The following SEC11A variants were observed in gnomAD, a reference collection of about 807,000 sequenced individuals.
SEC11A encodes the protein SEC11 homolog A, signal peptidase complex subunit.
Under a neutral mutation model 25.6 loss-of-function variants are expected in SEC11A, and 14 were observed. The ratio of observed to expected loss-of-function variants is 0.55; its 90% CI spans 0.36 to 0.85. The LOEUF is 0.85. Ranked by LOEUF, SEC11A falls within the 40% of genes least tolerant of loss-of-function variation. SEC11A has a pLI of 0.01. For missense variants in SEC11A, 153 were observed against 222.9 expected (o/e 0.69, Z 2.00); for synonymous variants, 83 against 76.4 (o/e 1.09, Z -0.45).
chr15:84,679,102 AG>A (rs1897217973), intron 4 of SEC11A: 1 of 286,156 alleles, frequency 3.5e-6, no homozygotes, highest in Non-Finnish European at 7.0e-6. Context: ...ATCAAGAAAA[AG>A]GAGACAAGAA....
At chr15:84,710,224 T>C (rs1755914593) in intron 1 of SEC11A, among the ~76,000 whole-genome samples, 1 of 152,222 alleles carries the variant, frequency 6.6e-6, no homozygotes, top group African/African-American at 2.4e-5. Flanking sequence ...ATAAAAATTA[T>C]ATAAGTAGTC....
At chr15:84,686,140 T>C (rs1458502248) in intron 3 of SEC11A, among the ~76,000 whole-genome samples, 1 of 152,136 alleles carries the variant, frequency 6.6e-6, no homozygotes, top group Non-Finnish European at 1.5e-5. Context: ...TCCTTCCCAG[T>C]CAATAATATA....
At chr15:84,692,316 G>T (rs1026757779) in intron 1 of SEC11A, among the ~76,000 whole-genome samples, 2 of 152,138 alleles carry the variant, frequency 1.3e-5, no homozygotes, top group African/African-American at 2.4e-5. Context: ...ACAGGCGTGA[G>T]TCACCACACC....
At chr15:84,711,298 C>T (rs1401902469) in intron 1 of SEC11A, among the ~76,000 whole-genome samples, 2 of 151,922 alleles carry the variant, frequency 1.3e-5, no homozygotes, top group Non-Finnish European at 2.9e-5. Flanking sequence ...GGGAGAATCA[C>T]TTGATCCCGG....
rs900851308 is a variant in SEC11A at position 84,687,718 on chromosome 15, A to C, written c.218T>G (p.Val73Gly). Reference sequence around the variant, plus strand: ...TTCTCCCACTCGTATGGGATCTTCAACTCGATTTGTTAGAAAGAGAAGATC... The same window carrying C: ...TTCTCCCACTCGTATGGGATCTTCACCTCGATTTGTTAGAAAGAGAAGATC... ...RGDLLFLTNR[V>G]EDPIRVGEIV... Residue 73 changes from valine to glycine, a missense_variant, in exon 3 of 6, where the codon GTT becomes GGT. Physicochemically the swap from Val to Gly is moderately radical, Grantham distance 109. Transcript: ENST00000268220. 44 of 1,603,082 alleles carry C rather than the reference A, an allele frequency of 2.7e-5. No individual in the cohort carries two copies. Among genetic ancestry groups the C allele is most frequent in the Middle Eastern group, 1.7e-4 (1 of 6,050 alleles).
rs140172377 is a variant in SEC11A at position 84,688,430 on chromosome 15, A to G, written c.162-656T>C. 5.8e-3 allele frequency among the ~76,000 whole-genome samples: 878 copies of G among 152,346 alleles called. 3 individuals are homozygous for G. Among genetic ancestry groups the G allele is most frequent in the African/African-American group, 0.019 (810 of 41,578 alleles). Reference sequence around the variant, plus strand: ...TAACAAGTAAGACTAACTTCTACAGAGTATCTTCTTACCTCTTACCTCTTC... The same window carrying G: ...TAACAAGTAAGACTAACTTCTACAGGGTATCTTCTTACCTCTTACCTCTTC... On this transcript the variant is annotated intron_variant, in intron 2 of 5. Coordinates refer to ENST00000268220, the MANE Select transcript of SEC11A (RefSeq NM_014300.4).
At chr15:84,699,795 C>CA (rs970640965) in intron 1 of SEC11A, among the ~76,000 whole-genome samples, 15 of 151,360 alleles carry the variant, frequency 9.9e-5, no homozygotes, top group Admixed American at 5.3e-4. Flanking sequence ...CACACACACA[C>CA]AAAAAAAAGA....
intron 2 of SEC11A, among the ~76,000 whole-genome samples, chr15:84,689,609 CTTTT>C (rs11316103): frequency 4.1e-5 from 5 of 122,550 alleles, no homozygotes; most frequent in Non-Finnish European, 6.9e-5. Flanking sequence ...TCTTTTCTTT[CTTTT>C]TTTTTTTTTT....
chr15:84,679,718 A>C (rs1317221912), intron 4 of SEC11A, among the ~76,000 whole-genome samples: 3 of 152,340 alleles, frequency 2.0e-5, no homozygotes, highest in Non-Finnish European at 2.9e-5. Flanking sequence ...CCATCAGTAT[A>C]ATCTTAGATA....
chr15:84,715,901 G>T lies in SEC11A; in HGVS notation c.51+124C>A, dbSNP rs1898449805. ...TCTGGCCACAGTCTCCAAAGAAAGC[G>T]AATGACCCGGGTATCAGACCAGCTC... is the stretch of plus-strand genomic sequence containing the variant. On this transcript the variant is annotated intron_variant, in intron 1 of 5. Coordinates refer to ENST00000268220, the MANE Select transcript of SEC11A (RefSeq NM_014300.4). 1.5e-5 allele frequency: 13 copies of T among 875,934 alleles called. No homozygotes were observed. The South Asian group carries it at 1.8e-4, about 12-fold the overall frequency. The allele number at this position is 875,934 out of a possible 1,614,324, so 54.3% of individuals were successfully genotyped here. A position where few individuals can be genotyped will look rare whatever the true frequency, so the allele number is the denominator to read the frequency against.
chr15:84,675,135 T>C (rs1897102698), intron 4 of SEC11A, among the ~76,000 whole-genome samples: 1 of 152,246 alleles, frequency 6.6e-6, no homozygotes, highest in Non-Finnish European at 1.5e-5. Flanking sequence ...GATAAACTCA[T>C]GTGCTAAAGC....
intron 1 of SEC11A, among the ~76,000 whole-genome samples, chr15:84,715,029 T>G (rs1401884938): frequency 1.3e-5 from 2 of 152,178 alleles, no homozygotes; most frequent in Non-Finnish European, 2.9e-5. Flanking sequence ...TGCGCAATTT[T>G]TATAGAATGC....
At chr15:84,688,523 T>C (rs947856890) in intron 2 of SEC11A, among the ~76,000 whole-genome samples, 1 of 152,198 alleles carries the variant, frequency 6.6e-6, no homozygotes, top group Admixed American at 6.5e-5. Context: ...TTTTTATCTA[T>C]AAAGAAGTAG....
chr15:84,703,841 A>G (rs906796138), intron 1 of SEC11A, among the ~76,000 whole-genome samples: 3 of 152,242 alleles, frequency 2.0e-5, no homozygotes, highest in South Asian at 2.1e-4. Context: ...TGTGTGCCAT[A>G]TAAGTGCTCA....
In SEC11A at chr15:84,674,686, G is replaced by A. The variant is rs1451462654; in HGVS notation, c.432-3904C>T. Reference sequence around the variant, plus strand: ...CAATCCTCCCACCTCAGCCTCCCAAGGAGCTGGGACTACAAGTGCACGCCA... The same window carrying A: ...CAATCCTCCCACCTCAGCCTCCCAAAGAGCTGGGACTACAAGTGCACGCCA... On this transcript the variant is annotated intron_variant, in intron 4 of 5. Coordinates refer to ENST00000268220, the MANE Select transcript of SEC11A (RefSeq NM_014300.4). 3.9e-5 allele frequency among the ~76,000 whole-genome samples: 6 copies of A among 152,166 alleles called. No homozygotes were observed. The East Asian group carries it at 1.2e-3, about 29-fold the overall frequency.
chr15:84,712,407 A>C (rs1898304455), intron 1 of SEC11A, among the ~76,000 whole-genome samples: 1 of 151,512 alleles, frequency 6.6e-6, no homozygotes, highest in African/African-American at 2.4e-5. Flanking sequence ...AAAGTGTTTT[A>C]TGGTTTCTTA....
chr15:84,670,673 C>G, intron 5 of SEC11A, 52 bp downstream of exon 5: 1 of 922,550 alleles, frequency 1.1e-6, no homozygotes, highest in Non-Finnish European at 1.7e-6. Flanking sequence ...AGCCACTGTG[C>G]CTGGCCCAAA....
At chr15:84,709,385 C>T (rs533472625) in intron 1 of SEC11A, among the ~76,000 whole-genome samples, 5 of 151,938 alleles carry the variant, frequency 3.3e-5, no homozygotes, top group Admixed American at 2.6e-4. Context: ...TAAGGGAAAG[C>T]GTGCATAGTG....
chr15:84,670,160 T>C (rs916902558), intron 5 of SEC11A, 91 bp from the exon 6 acceptor site: 3 of 1,255,802 alleles, frequency 2.4e-6, no homozygotes, highest in African/African-American at 1.5e-5. Context: ...TTTGTGAATA[T>C]ATCGCTAAAC....
Sources: gnomAD v4.1 joint callset for allele counts (sites outside exome capture counted in the v4.1 genomes callset) on GRCh38, gnomAD v4.1.1 for gene constraint, MANE v1.5 for transcripts, NCBI Gene and HGNC (gene_info 2026-07-23, HGNC 2026-07-21) for gene names.